RBFOX1: variants seen among roughly 807,000 people sequenced by gnomAD.
The protein encoded by RBFOX1 is RNA binding fox-1 homolog 1, also known as RNA binding protein fox-1 homolog 1.
A neutral mutation model predicts 57.7 loss-of-function variants in RBFOX1; 8 were observed. The observed-to-expected ratio is 0.14, with a 90% confidence interval of 0.08 to 0.25. The LOEUF (loss-of-function observed/expected upper bound fraction) is 0.25, where lower values mean the gene tolerates loss of function less well. RBFOX1 is among the 10% of genes least tolerant of loss of function. The probability of loss-of-function intolerance (pLI) is 1.00; values close to 1 mark genes in which losing one functional copy is unlikely to be tolerated. For missense variants in RBFOX1, 611 were observed against 548.5 expected (o/e 1.11, Z -1.14); for synonymous variants, 326 against 222.4 (o/e 1.47, Z -4.15).
At chr16:5,288,355 G>C (rs1367761574) in intron 1 of RBFOX1, among the ~76,000 whole-genome samples, 1 of 151,320 alleles carries the variant, frequency 6.6e-6, no homozygotes, top group Non-Finnish European at 1.5e-5. Context: ...TCTATGTTGG[G>C]GGCACTCACT....
At chr16:7,592,806 C>A (rs140738152) in intron 7 of RBFOX1, among the ~76,000 whole-genome samples, 2 of 152,186 alleles carry the variant, frequency 1.3e-5, no homozygotes, top group African/African-American at 4.8e-5. Flanking sequence ...ATATAAAATT[C>A]TATTTATTAC....
At chr16:7,451,124 GA>G (rs143833071) in intron 4 of RBFOX1, among the ~76,000 whole-genome samples, 333 of 152,286 alleles carry the variant, frequency 2.2e-3, no homozygotes, top group African/African-American at 7.9e-3. Context: ...GGAGGGAGAA[GA>G]ATCGTACTCA....
chr16:5,696,989 T>C (rs1339935623), intron 3 of RBFOX1, among the ~76,000 whole-genome samples: 1 of 152,176 alleles, frequency 6.6e-6, no homozygotes, highest in East Asian at 1.9e-4. Flanking sequence ...CTTGACTCAC[T>C]GCGTCCTCTG....
At chr16:6,832,297 T>C (rs2092763015) in intron 3 of RBFOX1, among the ~76,000 whole-genome samples, 1 of 152,164 alleles carries the variant, frequency 6.6e-6, no homozygotes. Flanking sequence ...TCACATGTCA[T>C]TACCAGAGAG....
chr16:6,569,325 C>T (rs1243453064), intron 2 of RBFOX1, among the ~76,000 whole-genome samples: 1 of 152,098 alleles, frequency 6.6e-6, no homozygotes, highest in South Asian at 2.1e-4. Context: ...GAATAGGATC[C>T]TAGTAGTATC....
chr16:6,366,567 G>T (rs1351863612), intron 2 of RBFOX1, among the ~76,000 whole-genome samples: 2 of 152,256 alleles, frequency 1.3e-5, no homozygotes, highest in Non-Finnish European at 1.5e-5. Flanking sequence ...AGGGGGTGAG[G>T]ATGGCTAAGA....
chr16:6,921,571 C>G (rs1231961036), intron 3 of RBFOX1, among the ~76,000 whole-genome samples: 1 of 151,618 alleles, frequency 6.6e-6, no homozygotes, highest in African/African-American at 2.4e-5. Flanking sequence ...AACATGGCAG[C>G]TTGCTTCTTC....
chr16:6,614,355 T>A (rs1161655168), intron 2 of RBFOX1, among the ~76,000 whole-genome samples: 1 of 152,206 alleles, frequency 6.6e-6, no homozygotes, highest in Non-Finnish European at 1.5e-5. Flanking sequence ...GTATGAAGAA[T>A]TAACATCCCT....
intron 2 of RBFOX1, among the ~76,000 whole-genome samples, chr16:6,383,014 A>T (rs1223245130): frequency 1.3e-5 from 2 of 152,210 alleles, no homozygotes; most frequent in South Asian, 4.1e-4. Flanking sequence ...GAGGCAGCGA[A>T]ATCCTAACAG....
intron 3 of RBFOX1, among the ~76,000 whole-genome samples, chr16:6,760,216 T>A (rs1249655072): frequency 1.3e-5 from 2 of 152,358 alleles, no homozygotes; most frequent in South Asian, 4.1e-4. Flanking sequence ...TAGTTTGTAA[T>A]GAATTCCTCA....
At chr16:6,313,556 G>A (rs915113347) in intron 1 of RBFOX1, among the ~76,000 whole-genome samples, 7 of 152,146 alleles carry the variant, frequency 4.6e-5, no homozygotes, top group African/African-American at 1.7e-4. Flanking sequence ...CCAGTGTTTT[G>A]GAAGTAATCG....
intron 1 of RBFOX1, among the ~76,000 whole-genome samples, chr16:6,073,197 T>C (rs1471786302): frequency 6.6e-6 from 1 of 152,168 alleles, no homozygotes; most frequent in Non-Finnish European, 1.5e-5. Context: ...CTTAATATCA[T>C]CTACTCCACT....
intron 1 of RBFOX1, among the ~76,000 whole-genome samples, chr16:6,296,310 A>G (rs1201229880): frequency 6.6e-6 from 1 of 152,210 alleles, no homozygotes; most frequent in African/African-American, 2.4e-5. Context: ...CTTTATTACT[A>G]AAAAGCTGGG....
chr16:6,928,076 G>C (rs898708346), intron 3 of RBFOX1, among the ~76,000 whole-genome samples: 1 of 152,126 alleles, frequency 6.6e-6, no homozygotes, highest in African/African-American at 2.4e-5. Context: ...AGATGACTGG[G>C]AGCTGCTTCT....
chr16:5,868,807 G>C (rs1259487151), intron 4 of RBFOX1, among the ~76,000 whole-genome samples: 1 of 152,170 alleles, frequency 6.6e-6, no homozygotes, highest in Non-Finnish European at 1.5e-5. Context: ...TTTGGAATAG[G>C]AATAGCAATA....
In RBFOX1 at chr16:5,380,128, C is replaced by T. The variant is rs536479571; in HGVS notation, c.220-87088C>T. On this transcript the variant is annotated intron_variant, in intron 1 of 2. Transcript: ENST00000585867. ...TTATTTTGAGTGTGCCCCAGATTGT[C>T]GTCATCCTTCCCGTCCTTGGCAGAG... Among the ~76,000 whole-genome samples, 7 of 152,288 alleles carry T rather than the reference C, an allele frequency of 4.6e-5. No homozygotes were observed. In the East Asian group the frequency reaches 7.7e-4, roughly 17 times the overall value.
intron 3 of RBFOX1, among the ~76,000 whole-genome samples, chr16:6,690,476 GA>G (rs994081152): frequency 9.9e-5 from 15 of 151,700 alleles, no homozygotes; most frequent in Non-Finnish European, 1.5e-4. Flanking sequence ...TAACATTAAA[GA>G]AAAAAATAAA....
intron 2 of RBFOX1, among the ~76,000 whole-genome samples, chr16:6,388,180 A>G (rs996911386): frequency 4.0e-5 from 6 of 151,786 alleles, no homozygotes; most frequent in Non-Finnish European, 7.4e-5. Flanking sequence ...GTTAACCAGG[A>G]TGGTCTTGAA....
chr16:7,311,153 C>A (rs2096297102), intron 4 of RBFOX1, among the ~76,000 whole-genome samples: 1 of 152,164 alleles, frequency 6.6e-6, no homozygotes, highest in Non-Finnish European at 1.5e-5. Context: ...CGTCTACATC[C>A]CAAGGAGGGC....
Sources: gnomAD v4.1 joint callset for allele counts (sites outside exome capture counted in the v4.1 genomes callset) on GRCh38, gnomAD v4.1.1 for gene constraint, MANE v1.5 for transcripts, NCBI Gene and HGNC (gene_info 2026-07-23, HGNC 2026-07-21) for gene names.